Variants in PTPRD observed in about 807,000 individuals in gnomAD.
PTPRD encodes the protein receptor-type tyrosine-protein phosphatase delta.
Under a neutral mutation model 214.5 loss-of-function variants are expected in PTPRD, and 34 were observed. The observed-to-expected ratio is 0.16, with a 90% confidence interval of 0.12 to 0.21. The LOEUF is 0.21. Among genes scored for constraint, PTPRD ranks in the 10% least tolerant of loss-of-function variants. The pLI, the probability that PTPRD is intolerant of heterozygous loss-of-function variation, is 1.00. For missense variants in PTPRD, 2,545 were observed against 2,398.7 expected (o/e 1.06, Z -1.27); for synonymous variants, 1,128 against 845.7 (o/e 1.33, Z -5.79).
intron 3 of PTPRD, among the ~76,000 whole-genome samples, chr9:10,233,527 T>C (rs2099619107): frequency 6.6e-6 from 1 of 151,984 alleles, no homozygotes; most frequent in Non-Finnish European, 1.5e-5. Flanking sequence ...AAAAATCAGA[T>C]TAAATAAAAT....
At chr9:9,290,368 A>G (rs1396210049) in intron 9 of PTPRD, among the ~76,000 whole-genome samples, 2 of 151,734 alleles carry the variant, frequency 1.3e-5, no homozygotes, top group African/African-American at 4.8e-5. Flanking sequence ...GCCTTGTCAT[A>G]TACAAGGTTT....
At chr9:9,136,037 A>T (rs1055330405) in intron 10 of PTPRD, among the ~76,000 whole-genome samples, 1 of 152,188 alleles carries the variant, frequency 6.6e-6, no homozygotes, top group African/African-American at 2.4e-5. Flanking sequence ...ACACATACAT[A>T]GTAATTTGAG....
At chr9:10,195,594 G>C (rs1185589747) in intron 3 of PTPRD, among the ~76,000 whole-genome samples, 7 of 152,062 alleles carry the variant, frequency 4.6e-5, no homozygotes, top group Admixed American at 4.6e-4. Context: ...TGTGATCCCA[G>C]GTCAACTTTA....
At chr9:9,063,504 C>T (rs1335161707) in intron 10 of PTPRD, among the ~76,000 whole-genome samples, 2 of 152,110 alleles carry the variant, frequency 1.3e-5, no homozygotes, top group Non-Finnish European at 2.9e-5. Flanking sequence ...TAATCTTACT[C>T]ATTTCTTCCA....
chr9:9,488,895 G>A (rs1351511025), intron 8 of PTPRD, among the ~76,000 whole-genome samples: 1 of 152,064 alleles, frequency 6.6e-6, no homozygotes, highest in Non-Finnish European at 1.5e-5. Context: ...TGGGCAAAAA[G>A]AACCCCATTC....
chr9:9,883,999 T>C (rs775114866), intron 5 of PTPRD, among the ~76,000 whole-genome samples: 17 of 152,142 alleles, frequency 1.1e-4, no homozygotes, highest in South Asian at 2.1e-4. Context: ...TTCCATTCTT[T>C]GTTTTATCCC....
Position 9,568,818 on chromosome 9 carries a change from T to C in PTPRD, c.-237+5914A>G, listed in dbSNP as rs551717314. 4.6e-5 allele frequency among the ~76,000 whole-genome samples: 7 copies of C among 151,940 alleles called. No individual in the cohort carries two copies. In the South Asian group the frequency reaches 1.4e-3, roughly 31 times the overall value. ...AGGACTTCACAGATGAAGACCTTTT[T>C]GTAGCTGGAGGATGACTGTAGACCC... On this transcript the variant is annotated intron_variant, in intron 8 of 45. Transcript: ENST00000381196.
chr9:9,474,149 G>C (rs181402420), intron 8 of PTPRD, among the ~76,000 whole-genome samples: 1 of 152,038 alleles, frequency 6.6e-6, no homozygotes, highest in Admixed American at 6.6e-5. Context: ...GTGAGAGATA[G>C]GGGTTTAATT....
At chr9:9,400,979 G>C (rs950826968) in intron 8 of PTPRD, among the ~76,000 whole-genome samples, 3 of 151,906 alleles carry the variant, frequency 2.0e-5, no homozygotes, top group African/African-American at 7.3e-5. Context: ...AGAATACTAA[G>C]TTGGATATTG....
At chr9:9,837,102 A>C (rs1367340976) in intron 5 of PTPRD, among the ~76,000 whole-genome samples, 4 of 152,152 alleles carry the variant, frequency 2.6e-5, no homozygotes, top group Non-Finnish European at 4.4e-5. Flanking sequence ...GTATTAGAGT[A>C]AATATTCACT....
chr9:8,493,276 C>T (rs1295477111), intron 26 of PTPRD, among the ~76,000 whole-genome samples: 2 of 152,204 alleles, frequency 1.3e-5, no homozygotes, highest in Non-Finnish European at 2.9e-5. Flanking sequence ...CTAGCTTGGA[C>T]AGACCAAGTA....
At chr9:9,644,090 T>C (rs998376344) in intron 7 of PTPRD, among the ~76,000 whole-genome samples, 6 of 152,220 alleles carry the variant, frequency 3.9e-5, no homozygotes, top group Admixed American at 2.6e-4. Context: ...ACTATAAGTA[T>C]TGTATTTTAT....
At chr9:9,129,101 C>T (rs948996918) in intron 10 of PTPRD, among the ~76,000 whole-genome samples, 8 of 152,100 alleles carry the variant, frequency 5.3e-5, no homozygotes, top group African/African-American at 1.4e-4. Flanking sequence ...TATCTAATAA[C>T]GAATTAGGCC....
intron 2 of PTPRD, among the ~76,000 whole-genome samples, chr9:10,564,512 T>A (rs541952256): frequency 1.4e-4 from 21 of 152,158 alleles, no homozygotes; most frequent in African/African-American, 3.9e-4. Flanking sequence ...GTGGCCATAT[T>A]AGCTGGGCTA....
At chr9:9,168,318 T>C (rs2099908046) in intron 10 of PTPRD, among the ~76,000 whole-genome samples, 2 of 152,316 alleles carry the variant, frequency 1.3e-5, no homozygotes, top group African/African-American at 2.4e-5. Context: ...CCTCCTTCAA[T>C]TTACTTTTTT....
At chr9:9,786,206 C>T (rs1255933189) in intron 5 of PTPRD, among the ~76,000 whole-genome samples, 1 of 152,072 alleles carries the variant, frequency 6.6e-6, no homozygotes, top group Non-Finnish European at 1.5e-5. Context: ...TGCACTGAAG[C>T]AGCTGTAAGA....
rs927035959 is a variant in PTPRD at position 10,481,037 on chromosome 9, T to C, written c.-600+131361A>G. Among the ~76,000 whole-genome samples the C allele has an allele frequency of 8.6e-3, 324 of 37,606 alleles. 1 individual carries two copies. Among genetic ancestry groups the C allele is most frequent in the African/African-American group, 0.014 (295 of 21,496 alleles). 24.7% of individuals were successfully genotyped at this position (37,606 alleles called of 152,430 possible). On this transcript the variant is annotated intron_variant, in intron 2 of 45. Transcript: ENST00000381196. ...TTCTTCCCTGCATCTCATTTGGTACTTTTTTTTTTTTAAACAGTTCTGTTT... is the reference window on the plus strand; with the variant it reads ...TTCTTCCCTGCATCTCATTTGGTACCTTTTTTTTTTTAAACAGTTCTGTTT...
intron 2 of PTPRD, among the ~76,000 whole-genome samples, chr9:10,344,158 T>G (rs2097014312): frequency 6.6e-6 from 1 of 151,940 alleles, no homozygotes. Context: ...TTTTATGGTT[T>G]TAGGTCTTAC....
intron 11 of PTPRD, among the ~76,000 whole-genome samples, chr9:8,769,885 G>A (rs16928416): frequency 0.046 from 6,983 of 151,936 alleles, 406 homozygotes; most frequent in African/African-American, 0.13. Context: ...CAAGCTGGTA[G>A]ATACACAATG....
Sources: gnomAD v4.1 joint callset for allele counts (sites outside exome capture counted in the v4.1 genomes callset) on GRCh38, gnomAD v4.1.1 for gene constraint, MANE v1.5 for transcripts, NCBI Gene and HGNC (gene_info 2026-07-23, HGNC 2026-07-21) for gene names.